The following CAMP variants were observed in gnomAD, a reference collection of about 807,000 sequenced individuals.
The protein encoded by CAMP is cathelicidin antimicrobial peptide, also known as 18 kDa cationic antimicrobial protein.
In CAMP, 10 loss-of-function variants were observed where a neutral mutation model predicts 12.7. The observed-to-expected ratio is 0.79, with a 90% CI of 0.49 to 1.34. The LOEUF (loss-of-function observed/expected upper bound fraction) is 1.34, where lower values mean the gene tolerates loss of function less well. CAMP is among the 40% of genes most tolerant of loss of function. The pLI is 0.00. For synonymous variants in CAMP, 87 were observed against 85.2 expected (o/e 1.02, Z -0.12); for missense variants, 205 against 213.0 (o/e 0.96, Z 0.23).
At position 48,225,412 on chromosome 3, in the gene CAMP, G is replaced by A. The variant is rs1392705784; in HGVS notation, c.501G>A (p.Arg167=). The A allele has an allele frequency of 3.7e-6, 6 of 1,613,602 alleles. No homozygotes were observed. The highest frequency in any genetic ancestry group is 5.1e-6 in the Non-Finnish European group (6 of 1,179,790). Residue 167 remains arginine (R), a synonymous_variant, in exon 4 of 4, where the codon AGG becomes AGA. Coordinates refer to ENST00000652295, the MANE Select transcript of CAMP (RefSeq NM_004345.5). ...IKDFLRNLVP[R]TES is the part of the protein sequence containing the mutation. ...ATTTTTTGCGGAATCTTGTACCCAG[G>A]ACAGAGTCCTAGTGTGTGCCCTACC...
chr3:48,224,577 T>G (rs1484102321), intron 2 of CAMP, 26 bp from the exon 3 acceptor site: 2 of 1,604,332 alleles, frequency 1.2e-6, no homozygotes, highest in Admixed American at 1.7e-5. Context: ...TGGTTTCAAG[T>G]TTGACCTTGA....
At position 48,224,458 on chromosome 3, in the gene CAMP, C is replaced by T. The variant is rs201842351; in HGVS notation, c.306C>T (p.Asp102=). 32 of 1,607,800 alleles carry T rather than the reference C, an allele frequency of 2.0e-5. No homozygotes were observed. Among genetic ancestry groups the T allele is most frequent in the South Asian group, 5.5e-5 (5 of 90,974 alleles). ...QSPEDCDFKK[D]GLVKRCMGTV... is the part of the protein sequence containing the mutation. ...CAGAGGATTGTGACTTCAAGAAGGACGGGGTGAGGCTGGGGGCTGGGGGTG... is the reference window on the plus strand; with the variant it reads ...CAGAGGATTGTGACTTCAAGAAGGATGGGGTGAGGCTGGGGGCTGGGGGTG... The change falls in exon 2 of 4, where the codon GAC becomes GAT. Residue 102 remains aspartate, a synonymous_variant. Transcript: ENST00000652295.
chr3:48,225,358 G>A lies in CAMP; in HGVS notation c.447G>A (p.Glu149=), dbSNP rs147213903. The A allele has an allele frequency of 1.8e-4, 288 of 1,613,648 alleles. No homozygotes were observed. Among genetic ancestry groups the A allele is most frequent in the Non-Finnish European group, 2.4e-4 (280 of 1,179,720 alleles). ...AATCTAAAGAGAAGATTGGCAAAGA[G>A]TTTAAAAGAATTGTCCAGAGAATCA... ...FRKSKEKIGK[E]FKRIVQRIKD... Residue 149 remains glutamate, a synonymous_variant, in exon 4 of 4, where the codon GAG becomes GAA. Transcript: ENST00000652295.
At position 48,223,936 on chromosome 3, in the gene CAMP, T is replaced by G. The variant is rs115078886; in HGVS notation, c.201+224T>G. Among the ~76,000 whole-genome samples, 506 of 152,176 alleles carry G rather than the reference T, an allele frequency of 3.3e-3. 4 individuals are homozygous for G. Among genetic ancestry groups the G allele is most frequent in the African/African-American group, 0.012 (479 of 41,518 alleles). ...ACCCTCACCCCGACCCCACGCAGGT[T>G]TTGGGACTTCTGCGAGCTCCAGGCA... On this transcript the variant is annotated intron_variant, in intron 1 of 3. Coordinates refer to ENST00000652295, the MANE Select transcript of CAMP (RefSeq NM_004345.5).
At chr3:48,224,557 T>C in intron 2 of CAMP, 46 bp from the exon 3 acceptor site, 3 of 1,577,476 alleles carry the variant, frequency 1.9e-6, no homozygotes, top group Non-Finnish European at 2.6e-6. Context: ...GGCTGGGAGG[T>C]CATGGCAAAT....
rs1316511522 is a variant in CAMP, at chr3:48,225,471, T to G, written c.*47T>G. Reference sequence around the variant, plus strand: ...GGCTTCTGGGCTCTGAGAAATAAACTATGAGAGCAATTTCCTCAGGCTTCA... The same window carrying G: ...GGCTTCTGGGCTCTGAGAAATAAACGATGAGAGCAATTTCCTCAGGCTTCA... On this transcript the variant is annotated 3_prime_UTR_variant, in exon 4 of 4. Coordinates refer to ENST00000652295, the MANE Select transcript of CAMP (RefSeq NM_004345.5). 1 of 1,566,736 alleles carries G rather than the reference T, an allele frequency of 6.4e-7. No homozygotes were observed. Among genetic ancestry groups the G allele is most frequent in the Non-Finnish European group, 8.7e-7 (1 of 1,145,832 alleles).
rs746763815 is a variant in CAMP, at chr3:48,224,383, G to A, written c.231G>A (p.Val77=). The change falls in exon 2 of 4, where the codon GTG becomes GTA. Residue 77 remains valine (V), a synonymous_variant. Coordinates refer to ENST00000652295, the MANE Select transcript of CAMP (RefSeq NM_004345.5). ...GGGACCCAGACACGCCAAAGCCTGTGAGCTTCACAGTGAAGGAGACAGTGT... is the reference window on the plus strand; with the variant it reads ...GGGACCCAGACACGCCAAAGCCTGTAAGCTTCACAGTGAAGGAGACAGTGT... ...MDGDPDTPKP[V]SFTVKETVCP... is the part of the protein sequence containing the mutation. The A allele has an allele frequency of 7.4e-6, 12 of 1,613,750 alleles. No individual in the cohort carries two copies. The South Asian group carries it at 1.2e-4, about 16-fold the overall frequency.
At chr3:48,224,324 A>G (rs1179893147) in intron 1 of CAMP, 30 bp from the exon 2 acceptor site, 1 of 1,452,648 alleles carries the variant, frequency 6.9e-7, no homozygotes, top group Non-Finnish European at 9.7e-7. Flanking sequence ...AAATACAAGA[A>G]TGGGCCTCCC....
At chr3:48,224,316 A>G (rs1256815553) in intron 1 of CAMP, 38 bp from the exon 2 acceptor site, 8 of 1,408,686 alleles carry the variant, frequency 5.7e-6, no homozygotes, top group Non-Finnish European at 8.1e-6. Flanking sequence ...AAATCAGAAA[A>G]TACAAGAATG....
At chr3:48,225,038 C>T (rs1022971704) in intron 3 of CAMP, among the ~76,000 whole-genome samples, 2 of 152,184 alleles carry the variant, frequency 1.3e-5, no homozygotes, top group African/African-American at 4.8e-5. Context: ...CCCTGTGTTC[C>T]CATCTCAGTG....
At chr3:48,224,247 C>A in intron 1 of CAMP, 107 bp from the exon 2 acceptor site, 2 of 724,976 alleles carry the variant, frequency 2.8e-6, no homozygotes, top group East Asian at 2.7e-5. Context: ...GCACCCAGTG[C>A]CCGTCGCACA....
Position 48,225,425 on chromosome 3 carries a change from T to C in CAMP, c.*1T>C, listed in dbSNP as rs144194754. 71 of 1,612,062 alleles carry C rather than the reference T, an allele frequency of 4.4e-5. No homozygotes were observed. The highest frequency in any genetic ancestry group is 5.9e-5 in the Non-Finnish European group (69 of 1,178,562). On this transcript the variant is annotated 3_prime_UTR_variant, in exon 4 of 4. Coordinates refer to ENST00000652295, the MANE Select transcript of CAMP (RefSeq NM_004345.5). ...TCTTGTACCCAGGACAGAGTCCTAGTGTGTGCCCTACCCTGGCTCAGGCTT... is the reference window on the plus strand; with the variant it reads ...TCTTGTACCCAGGACAGAGTCCTAGCGTGTGCCCTACCCTGGCTCAGGCTT...
intron 1 of CAMP, 125 bp downstream of exon 1, chr3:48,223,837 GGGAA>G (rs2033459507): frequency 2.8e-6 from 2 of 721,552 alleles, no homozygotes; most frequent in Non-Finnish European, 4.7e-6. Flanking sequence ...GTGTTTTCCA[GGGAA>G]CCTTCTAGAG....
intron 3 of CAMP, among the ~76,000 whole-genome samples, 156 bp from the exon 4 acceptor site, chr3:48,225,137 A>G (rs577842562): frequency 2.6e-5 from 4 of 152,010 alleles, no homozygotes; most frequent in Admixed American, 2.0e-4. Flanking sequence ...TAGGGATTCA[A>G]TCACATGCTT....
chr3:48,224,209 TC>T (rs1412497429), intron 1 of CAMP, 144 bp from the exon 2 acceptor site: 1 of 644,340 alleles, frequency 1.6e-6, no homozygotes, highest in Non-Finnish European at 2.8e-6. Context: ...TCAGTCCTCC[TC>T]CCCTCAATGC....
intron 2 of CAMP, 42 bp downstream of exon 2, chr3:48,224,503 G>T: frequency 6.5e-7 from 1 of 1,539,690 alleles, no homozygotes. Context: ...GCCTCCCAAG[G>T]AGCTGAACAG....
intron 3 of CAMP, 136 bp downstream of exon 3, chr3:48,224,810 C>T (rs2033482459): frequency 1.4e-6 from 1 of 706,614 alleles, no homozygotes; most frequent in Non-Finnish European, 2.5e-6. Flanking sequence ...AACCTGAGTT[C>T]CATCTCCAGG....
chr3:48,225,481 A>G lies in CAMP; in HGVS notation c.*57A>G. The G allele has an allele frequency of 3.9e-6, 6 of 1,532,796 alleles. No homozygotes were observed. Among genetic ancestry groups the G allele is most frequent in the Non-Finnish European group, 5.4e-6 (6 of 1,117,848 alleles). The allele number at this position is 1,532,796 out of a possible 1,614,324, so 94.9% of individuals were successfully genotyped here. A position where few individuals can be genotyped will look rare whatever the true frequency, so the allele number is the denominator to read the frequency against. On this transcript the variant is annotated 3_prime_UTR_variant, in exon 4 of 4. Transcript: ENST00000652295. Reference sequence around the variant, plus strand: ...CTCTGAGAAATAAACTATGAGAGCAATTTCCTCAGGCTTCAGTCTCACTTG... The same window carrying G: ...CTCTGAGAAATAAACTATGAGAGCAGTTTCCTCAGGCTTCAGTCTCACTTG...
rs1232366496 is a variant in CAMP, at chr3:48,223,612, G to A, written c.101G>A (p.Ser34Asn). The change falls in exon 1 of 4, where the codon AGC becomes AAC. Residue 34 changes from serine to asparagine, a missense_variant. Physicochemically the swap from Ser to Asn is conservative, Grantham distance 46. Coordinates refer to ENST00000652295, the MANE Select transcript of CAMP (RefSeq NM_004345.5). ...CTGGCCATCATTGCCCAGGTCCTCAGCTACAAGGAAGCTGTGCTTCGTGCT... is the reference window on the plus strand; with the variant it reads ...CTGGCCATCATTGCCCAGGTCCTCAACTACAAGGAAGCTGTGCTTCGTGCT... ...MPLAIIAQVL[S>N]YKEAVLRAID... 2 of 1,614,168 alleles carry A rather than the reference G, an allele frequency of 1.2e-6. No individual in the cohort carries two copies. Among genetic ancestry groups the A allele is most frequent in the East Asian group, 2.2e-5 (1 of 44,884 alleles).
Sources: gnomAD v4.1 joint callset for allele counts (sites outside exome capture counted in the v4.1 genomes callset) on GRCh38, gnomAD v4.1.1 for gene constraint, MANE v1.5 for transcripts, NCBI Gene and HGNC (gene_info 2026-07-23, HGNC 2026-07-21) for gene names.